MRPL46: variants seen among roughly 807,000 people sequenced by gnomAD.
MRPL46 encodes the protein large ribosomal subunit protein mL46.
Under a neutral mutation model 31.0 loss-of-function variants are expected in MRPL46, and 26 were observed. The ratio of observed to expected loss-of-function variants is 0.84; its 90% CI spans 0.61 to 1.16. The LOEUF (loss-of-function observed/expected upper bound fraction) is 1.16, where lower values mean the gene tolerates loss of function less well. MRPL46 is among the 50% of genes most tolerant of loss of function. The pLI is 0.00. For synonymous variants in MRPL46, 159 were observed against 141.3 expected, an observed-to-expected ratio of 1.13 and a Z score of -0.89; for missense variants, 395 against 340.0, an observed-to-expected ratio of 1.16 and a Z score of -1.27.
intron 3 of MRPL46, chr15:88,462,321 T>C (rs2055485200): frequency 6.6e-6 from 1 of 152,208 alleles, no homozygotes; most frequent in Admixed American, 6.5e-5. Context: ...TAAATGCATG[T>C]TACTTTTCTA....
intron 3 of MRPL46, chr15:88,462,371 AAAG>A (rs2055485675): frequency 6.6e-6 from 1 of 152,258 alleles, no homozygotes; most frequent in Non-Finnish European, 1.5e-5. Context: ...AACAAATTAA[AAAG>A]AAAAAACAGC....
chr15:88,467,025 C>T, intron 1 of MRPL46, 125 bp downstream of exon 1: 1 of 1,120,090 alleles, frequency 8.9e-7, no homozygotes, highest in Non-Finnish European at 1.3e-6. Context: ...ATGTACCAAA[C>T]CAAGTCAGTA....
In MRPL46 at chr15:88,465,141, T is replaced by C. The variant is rs2142198075; in HGVS notation, c.416-265A>G. On this transcript the variant is annotated intron_variant, in intron 2 of 3. Coordinates refer to ENST00000312475, the MANE Select transcript of MRPL46 (RefSeq NM_022163.4). ...TGAGTCTTCAAAAAAGAAACAATGA[T>C]CATACTAATTCAAACACAACTACTT... The C allele has an allele frequency of 6.9e-6, 3 of 432,550 alleles. No homozygotes were observed. In the East Asian group the frequency reaches 1.1e-4, roughly 16 times the overall value. 26.8% of individuals were successfully genotyped at this position (432,550 alleles called of 1,614,324 possible).
At position 88,465,583 on chromosome 15, in the gene MRPL46, C is replaced by T; in HGVS notation, c.415+4G>A. 1 of 1,592,928 alleles carries T rather than the reference C, an allele frequency of 6.3e-7. No homozygotes were observed. Among genetic ancestry groups the T allele is most frequent in the Non-Finnish European group, 8.5e-7 (1 of 1,171,708 alleles). On this transcript the variant is annotated splice_donor_region_variant and intron_variant, in intron 2 of 3. Transcript: ENST00000312475. ...CCTTCTGGCTGGCCTAAAAGGATCA[C>T]AACCTGTTATGCGAGCTCCAAGTTT...
intron 3 of MRPL46, chr15:88,461,750 C>A (rs966053886): frequency 6.6e-6 from 1 of 152,174 alleles, no homozygotes; most frequent in Non-Finnish European, 1.5e-5. Flanking sequence ...ACCAGATATA[C>A]TAATTTGCCC....
At chr15:88,464,518 T>C (rs1049547511) in intron 3 of MRPL46, 185 bp downstream of exon 3, 1 of 618,150 alleles carries the variant, frequency 1.6e-6, no homozygotes, top group Admixed American at 3.6e-5. Context: ...GGTCTAAAAA[T>C]AAAAATAAAA....
chr15:88,466,885 C>T (rs529893308), intron 1 of MRPL46, among the ~76,000 whole-genome samples: 18 of 152,200 alleles, frequency 1.2e-4, no homozygotes, highest in Non-Finnish European at 2.2e-4. Context: ...CCTAGTGACA[C>T]GGACCGATTC....
chr15:88,459,824 C>T lies in MRPL46; in HGVS notation c.629G>A (p.Cys210Tyr), dbSNP rs544918347. Reference protein sequence around the residue: ...MEAKFLGNAPCGHYTFKFPQA... With the variant: ...MEAKFLGNAPYGHYTFKFPQA... Reference sequence around the variant, plus strand: ...GGGGAACTTGAATGTGTAGTGCCCACAGGGTGCATTTCCTAGGAACTTGGC... The same window carrying T: ...GGGGAACTTGAATGTGTAGTGCCCATAGGGTGCATTTCCTAGGAACTTGGC... Residue 210 changes from cysteine (C) to tyrosine (Y), a missense_variant, in exon 4 of 4, where the codon TGT becomes TAT. Coordinates refer to ENST00000312475, the MANE Select transcript of MRPL46 (RefSeq NM_022163.4). 5.0e-6 allele frequency: 8 copies of T among 1,614,200 alleles called. No individual in the cohort carries two copies. In the South Asian group the frequency reaches 8.8e-5, roughly 18 times the overall value.
rs1028685772 is a variant in MRPL46 at position 88,463,199 on chromosome 15, T to G, written c.589+1504A>C. The G allele has an allele frequency of 6.6e-6, 1 of 152,180 alleles. No individual in the cohort carries two copies. The highest frequency in any genetic ancestry group is 2.4e-5 in the African/African-American group (1 of 41,438). 9.4% of individuals were successfully genotyped at this position (152,180 alleles called of 1,614,324 possible). ...TCTCCTGCAGGCCACACAGGCCCCT[T>G]GGGAGAGTCAAGGGAACACACACTG... On this transcript the variant is annotated intron_variant, in intron 3 of 3. Transcript: ENST00000312475. The surrounding 1 kb of genome is among the most constrained non-coding windows in gnomAD (Gnocchi z 5.4).
At position 88,465,677 on chromosome 15, in the gene MRPL46, C is replaced by G. The variant is rs1172275030; in HGVS notation, c.325G>C (p.Glu109Gln). ...AKKKADLHDEEDEQDILLAQD... is the reference protein window; with the variant it reads ...AKKKADLHDEQDEQDILLAQD... ...GCCAGCAATATATCCTGTTCATCTT[C>G]TTCATCATGAAGGTCAGCTTTCTTC... Residue 109 changes from glutamate to glutamine, a missense_variant, in exon 2 of 4, where the codon GAA becomes CAA. Physicochemically the swap from Glu to Gln is conservative, Grantham distance 29. Coordinates refer to ENST00000312475, the MANE Select transcript of MRPL46 (RefSeq NM_022163.4). 5 of 1,613,970 alleles carry G rather than the reference C, an allele frequency of 3.1e-6. No homozygotes were observed. Among genetic ancestry groups the G allele is most frequent in the South Asian group, 2.2e-5 (2 of 91,022 alleles).
intron 3 of MRPL46, chr15:88,464,465 G>A (rs977808399): frequency 2.2e-6 from 1 of 463,336 alleles, no homozygotes; most frequent in Non-Finnish European, 3.8e-6. Flanking sequence ...AATTTTGAAT[G>A]TACTAAATTT....
chr15:88,464,529 A>T (rs982887456), intron 3 of MRPL46, 174 bp downstream of exon 3: 25 of 657,928 alleles, frequency 3.8e-5, no homozygotes, highest in South Asian at 3.4e-4. Context: ...AAAAATAAAA[A>T]AAAAATAAAA....
chr15:88,466,226 T>C (rs1229371530), intron 1 of MRPL46, among the ~76,000 whole-genome samples: 1 of 152,246 alleles, frequency 6.6e-6, no homozygotes, highest in African/African-American at 2.4e-5. Flanking sequence ...AATATGACTG[T>C]CTCAGAGAGA....
Position 88,459,682 on chromosome 15 carries a change from C to T in MRPL46, c.771G>A (p.Lys257=), listed in dbSNP as rs370588577. The T allele has an allele frequency of 3.1e-6, 5 of 1,614,074 alleles. No individual in the cohort carries two copies. In the African/African-American group the frequency reaches 6.7e-5, roughly 22 times the overall value. The change falls in exon 4 of 4, where the codon AAG becomes AAA. Residue 257 remains lysine, a synonymous_variant. Coordinates refer to ENST00000312475, the MANE Select transcript of MRPL46 (RefSeq NM_022163.4). The part of the protein sequence containing the change: ...GNKGHHVWVT[K]DELGDYLKPK... Reference sequence around the variant, plus strand: ...GTTTCAAATAGTCACCCAGCTCATCCTTAGTGACCCACACATGATGGCCCT... The same window carrying T: ...GTTTCAAATAGTCACCCAGCTCATCTTTAGTGACCCACACATGATGGCCCT...
Position 88,467,353 on chromosome 15 carries a change from G to C in MRPL46, c.25C>G (p.Leu9Val), listed in dbSNP as rs1288078794. 2 of 1,592,694 alleles carry C rather than the reference G, an allele frequency of 1.3e-6. No individual in the cohort carries two copies. Among genetic ancestry groups the C allele is most frequent in the Non-Finnish European group, 1.7e-6 (2 of 1,169,452 alleles). The stretch of plus-strand genomic sequence containing the variant: ...CGCCAACCCCCCGCCACCCCTAACA[G>C]CGTCCGCCTTACGGGCGCCGCCATC... MAAPVRRT[L>V]LGVAGGWRRF... Residue 9 changes from leucine (L) to valine (V), a missense_variant, in exon 1 of 4, where the codon CTG becomes GTG. Leu to Val is a conservative substitution (Grantham distance 32, BLOSUM62 1). Transcript: ENST00000312475.
chr15:88,461,640 G>A (rs891195070), intron 3 of MRPL46: 1 of 152,232 alleles, frequency 6.6e-6, no homozygotes, highest in African/African-American at 2.4e-5. Flanking sequence ...ATATTTTGGA[G>A]GGGTTATAAA....
chr15:88,467,338 C>T lies in MRPL46; in HGVS notation c.40G>A (p.Gly14Arg), dbSNP rs771674829. ...AGCCTCTCGAACCGCCGCCAACCCC[C>T]CGCCACCCCTAACAGCGTCCGCCTT... ...PVRRTLLGVA[G>R]GWRRFERLWA... The change falls in exon 1 of 4, where the codon GGG becomes AGG. Residue 14 changes from glycine (G) to arginine (R), a missense_variant. Physicochemically the swap from Gly to Arg is moderately radical, Grantham distance 125. Transcript: ENST00000312475. 3 of 1,602,612 alleles carry T rather than the reference C, an allele frequency of 1.9e-6. No homozygotes were observed. Among genetic ancestry groups the T allele is most frequent in the Non-Finnish European group, 1.7e-6 (2 of 1,174,636 alleles).
At chr15:88,465,279 C>T (rs552972282) in intron 2 of MRPL46, 1 of 427,358 alleles carries the variant, frequency 2.3e-6, no homozygotes, top group East Asian at 3.4e-5. Flanking sequence ...AGAGGGATTT[C>T]ACATAAAACA....
At chr15:88,467,033 G>A (rs769852760) in intron 1 of MRPL46, 117 bp downstream of exon 1, 5 of 1,178,900 alleles carry the variant, frequency 4.2e-6, no homozygotes, top group African/African-American at 1.5e-5. Flanking sequence ...AACCAAGTCA[G>A]TAAGGTAGGT....
Sources: gnomAD v4.1 joint callset for allele counts (sites outside exome capture counted in the v4.1 genomes callset) on GRCh38, gnomAD v4.1.1 for gene constraint, Gnocchi (gnomAD v3.1) non-coding constraint, MANE v1.5 for transcripts, NCBI Gene and HGNC (gene_info 2026-07-23, HGNC 2026-07-21) for gene names.